Variants in TMCO5A observed in about 807,000 individuals in gnomAD.
The protein encoded by TMCO5A is transmembrane and coiled-coil domain-containing protein 5A.
TMCO5A carries 34 observed loss-of-function variants against 42.3 expected under a neutral mutation model. That is an observed-to-expected ratio of 0.80 (90% CI 0.61 to 1.07). TMCO5A has a LOEUF of 1.07. Among genes scored for constraint, TMCO5A ranks in the 50% least tolerant of loss-of-function variants. The probability of loss-of-function intolerance (pLI) is 0.00; values close to 1 mark genes in which losing one functional copy is unlikely to be tolerated. For missense variants in TMCO5A, 357 were observed against 327.9 expected (o/e 1.09, Z -0.69); for synonymous variants, 131 against 115.6 (o/e 1.13, Z -0.86).
the TMCO5A span, among the ~76,000 whole-genome samples, chr15:37,998,651 T>C: frequency 1.3e-5 from 2 of 152,210 alleles, no homozygotes; most frequent in African/African-American, 4.8e-5. Flanking sequence ...AGTTTTGTTC[T>C]TTTTGCCCAG....
At chr15:38,010,671 T>G in the TMCO5A span, among the ~76,000 whole-genome samples, 28 of 152,162 alleles carry the variant, frequency 1.8e-4, no homozygotes, top group Non-Finnish European at 3.5e-4. Context: ...TTCTGTGGTT[T>G]TAACCCACCA....
intron 11 of TMCO5A, among the ~76,000 whole-genome samples, chr15:37,949,371 A>G (rs1446369063): frequency 6.6e-6 from 1 of 152,146 alleles, no homozygotes; most frequent in Non-Finnish European, 1.5e-5. Flanking sequence ...TCTATATGGA[A>G]GAATAAAGGG....
the TMCO5A span, among the ~76,000 whole-genome samples, chr15:38,012,126 A>AAAAAAAAG: frequency 6.6e-6 from 1 of 150,390 alleles, no homozygotes; most frequent in Non-Finnish European, 1.5e-5. Context: ...TCCGTCTCAA[A>AAAAAAAAG]AAAAAAAGAA....
chr15:37,975,436 A>G, the TMCO5A span, among the ~76,000 whole-genome samples: 1 of 144,924 alleles, frequency 6.9e-6, no homozygotes, highest in Non-Finnish European at 1.5e-5. Flanking sequence ...GCATGCATAT[A>G]TATTTAGAAG....
At chr15:37,943,420 C>T in intron 10 of TMCO5A, 22 bp downstream of exon 10, 2 of 1,609,710 alleles carry the variant, frequency 1.2e-6, no homozygotes, top group Non-Finnish European at 1.7e-6. Flanking sequence ...ATTCTCTCTT[C>T]AGCTCCTCAC....
chr15:37,958,599 C>A (rs949422670), intron 11 of TMCO5A, among the ~76,000 whole-genome samples: 1 of 151,912 alleles, frequency 6.6e-6, no homozygotes, highest in African/African-American at 2.4e-5. Flanking sequence ...GAATGGCGAT[C>A]ATTAAAAAGT....
chr15:37,994,794 C>G, the TMCO5A span: 5 of 152,416 alleles, frequency 3.3e-5, no homozygotes, highest in South Asian at 1.0e-3. Flanking sequence ...CAGCCCAGTT[C>G]TGGGAAGGAA....
the TMCO5A span, among the ~76,000 whole-genome samples, chr15:38,032,610 G>C: frequency 6.6e-6 from 1 of 152,054 alleles, no homozygotes; most frequent in Non-Finnish European, 1.5e-5. Flanking sequence ...AATCCAGTGG[G>C]GTCAATGCCT....
downstream of TMCO5A, among the ~76,000 whole-genome samples, chr15:37,969,670 T>C (rs1454939609): frequency 6.6e-6 from 1 of 152,230 alleles, no homozygotes; most frequent in African/African-American, 2.4e-5. Context: ...ATAATCTCAC[T>C]ATCCAATAGG....
At chr15:37,960,240 G>A (rs571784875) in intron 11 of TMCO5A, among the ~76,000 whole-genome samples, 21 of 151,536 alleles carry the variant, frequency 1.4e-4, no homozygotes, top group African/African-American at 4.6e-4. Flanking sequence ...ATGCCTTTGC[G>A]TCCTCATAGC....
At chr15:37,937,233 A>G in intron 4 of TMCO5A, 113 bp from the exon 5 acceptor site, 1 of 1,308,274 alleles carries the variant, frequency 7.6e-7, no homozygotes, top group Non-Finnish European at 1.1e-6. Flanking sequence ...CATTATGCAA[A>G]TAAGGTCAAG....
intron 5 of TMCO5A, among the ~76,000 whole-genome samples, chr15:37,937,711 G>A (rs1889570668): frequency 6.6e-6 from 1 of 152,094 alleles, no homozygotes; most frequent in African/African-American, 2.4e-5. Flanking sequence ...GCAGTGAGAG[G>A]TTAATTTTAC....
the TMCO5A span, among the ~76,000 whole-genome samples, chr15:38,025,739 G>C: frequency 6.6e-6 from 1 of 151,974 alleles, no homozygotes; most frequent in Admixed American, 6.6e-5. Context: ...ATTTCCACAT[G>C]TCCCCATCCC....
Position 37,938,166 on chromosome 15 carries a change from G to T in TMCO5A, c.324G>T (p.Arg108Ser). The change falls in exon 6 of 12, where the codon AGG (arginine) becomes AGT (serine). Residue 108 changes from arginine to serine, a missense_variant. By Grantham distance (110) the Arg-to-Ser change is moderately radical (BLOSUM62 -1). Coordinates refer to ENST00000319669, the MANE Select transcript of TMCO5A (RefSeq NM_152453.4). Reference protein sequence around the residue: ...SITELQQKLTRKSQKITNCEQ... With the variant: ...SITELQQKLTSKSQKITNCEQ... ...TTTATTTGAAACTATAGCTTACAAG[G>T]AAATCACAAAAGATAACCAATTGTG... 1 of 1,576,708 alleles carries T rather than the reference G, an allele frequency of 6.3e-7. No homozygotes were observed. Among genetic ancestry groups the T allele is most frequent in the Non-Finnish European group, 8.6e-7 (1 of 1,159,800 alleles).
In TMCO5A at chr15:37,943,751, A is replaced by T. The variant is rs546983336; in HGVS notation, c.627+353A>T. 37 of 193,318 alleles carry T rather than the reference A, an allele frequency of 1.9e-4. No homozygotes were observed. In the South Asian group the frequency reaches 4.2e-3, roughly 22 times the overall value. The allele number at this position is 193,318 out of a possible 1,614,324, so 12.0% of individuals were successfully genotyped here. ...CTCTTCCATCTCCTACAATCACAGT[A>T]CTCTTTCCTGATGATCTTGACATGG... is the stretch of plus-strand genomic sequence containing the variant. On this transcript the variant is annotated intron_variant, in intron 10 of 11. Coordinates refer to ENST00000319669, the MANE Select transcript of TMCO5A (RefSeq NM_152453.4).
chr15:38,001,536 T>C, the TMCO5A span, among the ~76,000 whole-genome samples: 1 of 151,802 alleles, frequency 6.6e-6, no homozygotes, highest in South Asian at 2.1e-4. Flanking sequence ...AAAGACTTAC[T>C]CCTGTCATTT....
At chr15:37,963,737 G>A (rs931348782) in intron 11 of TMCO5A, among the ~76,000 whole-genome samples, 1 of 152,278 alleles carries the variant, frequency 6.6e-6, no homozygotes, top group East Asian at 1.9e-4. Flanking sequence ...GAGCTCCAAT[G>A]TTAGGTGCAT....
At chr15:37,953,246 C>T (rs1233439538), downstream of TMCO5A, among the ~76,000 whole-genome samples, 4 of 152,116 alleles carry the variant, frequency 2.6e-5, no homozygotes, top group Non-Finnish European at 5.9e-5. Context: ...GTGACTACAG[C>T]AGGACTCGGG....
At chr15:38,032,058 C>T in the TMCO5A span, among the ~76,000 whole-genome samples, 10 of 151,986 alleles carry the variant, frequency 6.6e-5, no homozygotes, top group South Asian at 6.2e-4. Context: ...CAGGTTCAAG[C>T]GATTCTCCTG....
Sources: gnomAD v4.1 joint callset for allele counts (sites outside exome capture counted in the v4.1 genomes callset) on GRCh38, gnomAD v4.1.1 for gene constraint, MANE v1.5 for transcripts, NCBI Gene and HGNC (gene_info 2026-07-23, HGNC 2026-07-21) for gene names.